Variants in ARHGEF3 observed in about 807,000 individuals in gnomAD.
ARHGEF3 encodes 59.8 kDA protein.
ARHGEF3 carries 28 observed loss-of-function variants against 63.2 expected under a neutral mutation model. The ratio of observed to expected loss-of-function variants is 0.44; its 90% CI spans 0.33 to 0.61. The LOEUF (loss-of-function observed/expected upper bound fraction) is 0.61, where lower values mean the gene tolerates loss of function less well. Among genes scored for constraint, ARHGEF3 ranks in the 20% least tolerant of loss-of-function variants. The pLI, the probability that ARHGEF3 is intolerant of heterozygous loss-of-function variation, is 0.03. For missense variants in ARHGEF3, 533 were observed against 659.3 expected (o/e 0.81, Z 2.10); for synonymous variants, 266 against 254.2 (o/e 1.05, Z -0.44).
intron 3 of ARHGEF3, among the ~76,000 whole-genome samples, chr3:56,934,719 C>T (rs1223162741): frequency 6.6e-6 from 1 of 152,246 alleles, no homozygotes; most frequent in Non-Finnish European, 1.5e-5. Flanking sequence ...GGGCTTGGGA[C>T]CTGCAGCCCG....
At chr3:56,740,115 G>A (rs2033917935) in intron 7 of ARHGEF3, among the ~76,000 whole-genome samples, 1 of 151,732 alleles carries the variant, frequency 6.6e-6, no homozygotes, top group South Asian at 2.1e-4. Flanking sequence ...GGCCAGGCTG[G>A]TCTCAAACTC....
chr3:56,887,475 T>A (rs1460449895), intron 3 of ARHGEF3, among the ~76,000 whole-genome samples: 1 of 152,146 alleles, frequency 6.6e-6, no homozygotes, highest in Admixed American at 6.5e-5. Context: ...GTTGTGAGGA[T>A]CATAGATGTT....
At chr3:56,863,485 A>G (rs746930342) in intron 4 of ARHGEF3, among the ~76,000 whole-genome samples, 2 of 151,676 alleles carry the variant, frequency 1.3e-5, no homozygotes, top group Admixed American at 6.6e-5. Flanking sequence ...TTTTTACTAG[A>G]GATGGGGTTT....
At chr3:57,008,702 C>T (rs1271088796) in intron 2 of ARHGEF3, among the ~76,000 whole-genome samples, 4 of 152,062 alleles carry the variant, frequency 2.6e-5, no homozygotes, top group African/African-American at 9.7e-5. Context: ...GAACTCCTGG[C>T]CTCATCTGAT....
chr3:56,862,519 T>C (rs879384230), intron 4 of ARHGEF3, among the ~76,000 whole-genome samples: 1 of 152,168 alleles, frequency 6.6e-6, no homozygotes, highest in Non-Finnish European at 1.5e-5. Flanking sequence ...TGCTCCTCTA[T>C]GAGGCCAAGG....
chr3:56,740,612 A>AT (rs1218073829), intron 7 of ARHGEF3, among the ~76,000 whole-genome samples: 1 of 152,244 alleles, frequency 6.6e-6, no homozygotes, highest in Non-Finnish European at 1.5e-5. Flanking sequence ...AAATGAGAGG[A>AT]TTCCTGCCTT....
At chr3:57,036,641 T>C (rs1407792503) in intron 1 of ARHGEF3, among the ~76,000 whole-genome samples, 2 of 152,156 alleles carry the variant, frequency 1.3e-5, no homozygotes, top group African/African-American at 4.8e-5. Context: ...TCATCTAGTG[T>C]CAACCAAAGA....
rs1424794687 is a variant in ARHGEF3, at chr3:56,737,229, G to C, written c.997C>G (p.Arg333Gly). The C allele has an allele frequency of 1.1e-5, 17 of 1,613,940 alleles. No homozygotes were observed. Among genetic ancestry groups the C allele is most frequent in the Admixed American group, 1.7e-5 (1 of 59,998 alleles). ...GQKDSLIDSS[R>G]VLCCHGELKN... Reference sequence around the variant, plus strand: ...AGTTCACCATGACAACACAAGACTCGAGAGCTGTCGATCAGGGAGTCTTTC... The same window carrying C: ...AGTTCACCATGACAACACAAGACTCCAGAGCTGTCGATCAGGGAGTCTTTC... Residue 333 changes from arginine to glycine, a missense_variant, in exon 8 of 10, where the codon CGA becomes GGA. Around this residue, in one of 4 missense-constraint regions of ARHGEF3, gnomAD observed 151 missense variants for 190.7 expected, o/e 0.79. Transcript: ENST00000296315.
At chr3:56,790,874 A>C (rs2037046454) in intron 1 of ARHGEF3, among the ~76,000 whole-genome samples, 1 of 151,866 alleles carries the variant, frequency 6.6e-6, no homozygotes, top group African/African-American at 2.4e-5. Flanking sequence ...CACATTTCCA[A>C]ATCTGACAGC....
intron 4 of ARHGEF3, among the ~76,000 whole-genome samples, chr3:56,814,056 A>G (rs536035624): frequency 6.6e-6 from 1 of 152,354 alleles, no homozygotes; most frequent in African/African-American, 2.4e-5. Flanking sequence ...AGGTTAAATT[A>G]TAAAGTGAAG....
At chr3:56,783,933 A>G (rs1243801524) in intron 1 of ARHGEF3, among the ~76,000 whole-genome samples, 1 of 152,210 alleles carries the variant, frequency 6.6e-6, no homozygotes, top group African/African-American at 2.4e-5. Flanking sequence ...ACCACATTCA[A>G]TTCTCTTTAC....
At chr3:56,768,208 C>T (rs1395824305) in intron 2 of ARHGEF3, among the ~76,000 whole-genome samples, 2 of 152,010 alleles carry the variant, frequency 1.3e-5, no homozygotes, top group Non-Finnish European at 2.9e-5. Context: ...CAGGCGTGTG[C>T]CACCACGCCC....
intron 1 of ARHGEF3, among the ~76,000 whole-genome samples, chr3:57,045,409 G>A (rs1256499625): frequency 2.0e-5 from 3 of 152,226 alleles, no homozygotes; most frequent in Non-Finnish European, 4.4e-5. Context: ...CCCAAAGGTA[G>A]GAAGGAACAG....
At chr3:56,805,424 G>A (rs2037829051), upstream of ARHGEF3, among the ~76,000 whole-genome samples, 1 of 152,038 alleles carries the variant, frequency 6.6e-6, no homozygotes, top group Non-Finnish European at 1.5e-5. Context: ...TTGTAGAGAT[G>A]AGGTTTCACC....
chr3:56,729,564 T>C lies in ARHGEF3; in HGVS notation c.1287A>G (p.Leu429=), dbSNP rs774218962. ...GTTTGTTGAAAGTGTCATTGGCTTG[T>C]AGCGAGTGGGTCTGACTTTGGGATC... ...KNGSQSQTHS[L]QANDTFNKQQ... is the part of the protein sequence containing the mutation. The change falls in exon 10 of 10, where the codon CTA becomes CTG. Residue 429 remains leucine, a synonymous_variant. Coordinates refer to ENST00000296315, the MANE Select transcript of ARHGEF3 (RefSeq NM_019555.3). 31 of 1,613,226 alleles carry C rather than the reference T, an allele frequency of 1.9e-5. No homozygotes were observed. Among genetic ancestry groups the C allele is most frequent in the Non-Finnish European group, 2.6e-5 (31 of 1,179,210 alleles).
At chr3:56,771,769 A>C (rs2036019842) in intron 2 of ARHGEF3, among the ~76,000 whole-genome samples, 1 of 152,224 alleles carries the variant, frequency 6.6e-6, no homozygotes, top group African/African-American at 2.4e-5. Flanking sequence ...TCCTGGGAGC[A>C]ATAATGGGAA....
At chr3:56,871,805 C>T (rs764354446) in intron 4 of ARHGEF3, among the ~76,000 whole-genome samples, 1 of 152,150 alleles carries the variant, frequency 6.6e-6, no homozygotes, top group Admixed American at 6.5e-5. Context: ...TTCAGGGCAT[C>T]TTCAAGCTTA....
At chr3:57,056,048 C>A (rs1356713191) in intron 1 of ARHGEF3, among the ~76,000 whole-genome samples, 2 of 149,938 alleles carry the variant, frequency 1.3e-5, no homozygotes, top group Admixed American at 1.3e-4. Context: ...GCAGACATAG[C>A]CCCTACTGTC....
chr3:56,757,847 C>T (rs56080444), intron 2 of ARHGEF3, among the ~76,000 whole-genome samples: 5 of 151,736 alleles, frequency 3.3e-5, no homozygotes, highest in African/African-American at 4.8e-5. Flanking sequence ...CTCAGCCTCC[C>T]AAGTAGCTGG....
Sources: gnomAD v4.1 joint callset for allele counts (sites outside exome capture counted in the v4.1 genomes callset) on GRCh38, gnomAD v4.1.1 for gene constraint, gnomAD v4.1.1 regional missense constraint, MANE v1.5 for transcripts, NCBI Gene and HGNC (gene_info 2026-07-23, HGNC 2026-07-21) for gene names.